Variants in ATXN1 observed in about 807,000 individuals in gnomAD.
ATXN1 encodes ataxin 1, also known as ataxin-1.
Under a neutral mutation model 56.4 loss-of-function variants are expected in ATXN1, and 8 were observed. The observed-to-expected ratio is 0.14, with a 90% CI of 0.08 to 0.26. The LOEUF (loss-of-function observed/expected upper bound fraction) is 0.26. Among genes scored for constraint, ATXN1 ranks in the 10% least tolerant of loss-of-function variants. ATXN1 has a pLI of 1.00. For missense variants in ATXN1, 987 were observed against 1,106.5 expected (o/e 0.89, Z 1.53); for synonymous variants, 514 against 494.6 (o/e 1.04, Z -0.52).
chr6:16,320,657 G>A (rs1365234473), intron 7 of ATXN1, among the ~76,000 whole-genome samples: 3 of 152,232 alleles, frequency 2.0e-5, no homozygotes. Context: ...CAGCGGGCAC[G>A]TCACTAACAG....
At chr6:16,371,537 G>C (rs570158813) in intron 6 of ATXN1, among the ~76,000 whole-genome samples, 7 of 151,894 alleles carry the variant, frequency 4.6e-5, no homozygotes, top group Non-Finnish European at 8.8e-5. Flanking sequence ...ACCAATATTT[G>C]ACCTGAATTG....
At chr6:16,323,989 G>A (rs930321162) in intron 7 of ATXN1, among the ~76,000 whole-genome samples, 2 of 151,878 alleles carry the variant, frequency 1.3e-5, no homozygotes, top group South Asian at 2.1e-4. Flanking sequence ...TCCAAAGACT[G>A]TAAACCTACA....
chr6:16,452,534 G>C (rs930192505), intron 6 of ATXN1, among the ~76,000 whole-genome samples: 1 of 152,198 alleles, frequency 6.6e-6, no homozygotes. Context: ...AAACTCATTT[G>C]TGAATCAAAA....
At chr6:16,372,798 C>G (rs1334671081) in intron 6 of ATXN1, among the ~76,000 whole-genome samples, 1 of 152,138 alleles carries the variant, frequency 6.6e-6, no homozygotes, top group East Asian at 1.9e-4. Context: ...TGTCTATAGT[C>G]CTTGCTACTA....
chr6:16,686,372 GA>G (rs1758918781), intron 2 of ATXN1, among the ~76,000 whole-genome samples: 1 of 152,180 alleles, frequency 6.6e-6, no homozygotes. Flanking sequence ...GTGAATTAGT[GA>G]ATTATCTTAA....
In ATXN1 at chr6:16,761,364, G is replaced by A; in HGVS notation, c.-796C>T. 2.2e-6 allele frequency: 1 copy of A among 456,478 alleles called. No individual in the cohort carries two copies. The highest frequency in any genetic ancestry group is 4.4e-6 in the Non-Finnish European group (1 of 226,930). The allele number at this position is 456,478 out of a possible 1,614,324, so 28.3% of individuals were successfully genotyped here. On this transcript the variant is annotated 5_prime_UTR_variant, in exon 1 of 8. Coordinates refer to ENST00000436367, the MANE Select transcript of ATXN1 (RefSeq NM_001128164.2). ...GGCAGAGGGAGAGAAACAATGTCTT[G>A]CGGCTGCTGTTGCTCTGGCTGCTGC...
At chr6:16,603,034 C>T (rs1762940078) in intron 3 of ATXN1, among the ~76,000 whole-genome samples, 1 of 152,136 alleles carries the variant, frequency 6.6e-6, no homozygotes, top group Admixed American at 6.5e-5. Context: ...TCAGAAGGAG[C>T]ACCATACTTT....
At chr6:16,531,389 G>A (rs1248448402) in intron 4 of ATXN1, among the ~76,000 whole-genome samples, 1 of 152,148 alleles carries the variant, frequency 6.6e-6, no homozygotes, top group Non-Finnish European at 1.5e-5. Context: ...TTGGGAGGCC[G>A]AGGCCAGTGG....
chr6:16,402,290 T>C (rs1758593396), intron 6 of ATXN1, among the ~76,000 whole-genome samples: 1 of 124,366 alleles, frequency 8.0e-6, no homozygotes, highest in African/African-American at 2.9e-5. Flanking sequence ...TGCTTCTAGT[T>C]CTAATGCTTG....
At chr6:16,345,296 G>A (rs1761352812) in intron 6 of ATXN1, among the ~76,000 whole-genome samples, 1 of 152,158 alleles carries the variant, frequency 6.6e-6, no homozygotes, top group South Asian at 2.1e-4. Context: ...AATATATTGT[G>A]TGAGATGTTA....
intron 2 of ATXN1, among the ~76,000 whole-genome samples, chr6:16,743,241 A>G (rs1760404104): frequency 6.6e-6 from 1 of 152,220 alleles, no homozygotes; most frequent in Non-Finnish European, 1.5e-5. Context: ...CTTAAATATG[A>G]TTGAGCGAAT....
intron 3 of ATXN1, among the ~76,000 whole-genome samples, chr6:16,611,056 G>A (rs763054481): frequency 5.3e-5 from 8 of 151,986 alleles, no homozygotes; most frequent in Non-Finnish European, 1.2e-4. Flanking sequence ...CACATATAAG[G>A]AGAGCATATA....
At chr6:16,523,873 T>C (rs1761341826) in intron 4 of ATXN1, among the ~76,000 whole-genome samples, 1 of 151,500 alleles carries the variant, frequency 6.6e-6, no homozygotes, top group African/African-American at 2.4e-5. Context: ...CAACAGACTA[T>C]TTAATCTACA....
chr6:16,542,844 CTAA>C (rs1416277013), intron 4 of ATXN1, among the ~76,000 whole-genome samples: 3 of 151,920 alleles, frequency 2.0e-5, no homozygotes, highest in Non-Finnish European at 2.9e-5. Flanking sequence ...ACAACAAAAA[CTAA>C]TAATAAAATA....
intron 5 of ATXN1, among the ~76,000 whole-genome samples, chr6:16,519,236 A>G (rs1227101883): frequency 6.6e-6 from 1 of 152,220 alleles, no homozygotes; most frequent in Non-Finnish European, 1.5e-5. Flanking sequence ...CCAAAGCAAT[A>G]TATATGAAAA....
chr6:16,627,454 C>A (rs367852825), intron 3 of ATXN1, among the ~76,000 whole-genome samples: 2 of 152,164 alleles, frequency 1.3e-5, no homozygotes, highest in Non-Finnish European at 2.9e-5. Context: ...CTCGGCCAGG[C>A]GCGGTGGCTC....
chr6:16,660,881 CA>C (rs1275921826), intron 2 of ATXN1, among the ~76,000 whole-genome samples: 1 of 144,014 alleles, frequency 6.9e-6, no homozygotes, highest in Admixed American at 7.0e-5. Context: ...CTCTTTCACC[CA>C]GGCTGGAGTG....
chr6:16,750,775 A>C (rs1364724911), intron 2 of ATXN1, among the ~76,000 whole-genome samples: 2 of 152,144 alleles, frequency 1.3e-5, no homozygotes, highest in East Asian at 3.9e-4. Flanking sequence ...TATTTCTGTT[A>C]TCACAAATGA....
intron 2 of ATXN1, among the ~76,000 whole-genome samples, chr6:16,717,670 TAACGATCTC>T: frequency 6.6e-6 from 1 of 152,348 alleles, no homozygotes; most frequent in East Asian, 1.9e-4. Context: ...CATTCTGGCA[TAACGATCTC>T]GTGGGTCTGA....
Sources: gnomAD v4.1 joint callset for allele counts (sites outside exome capture counted in the v4.1 genomes callset) on GRCh38, gnomAD v4.1.1 for gene constraint, MANE v1.5 for transcripts, NCBI Gene and HGNC (gene_info 2026-07-23, HGNC 2026-07-21) for gene names.